FBXO31: variants seen among roughly 807,000 people sequenced by gnomAD.
The protein encoded by FBXO31 is F-box only protein 31.
A neutral mutation model predicts 54.4 loss-of-function variants in FBXO31; 24 were observed. That is an observed-to-expected ratio of 0.44 (90% confidence interval 0.32 to 0.62). FBXO31 has a LOEUF of 0.62. FBXO31 is among the 20% of genes least tolerant of loss of function. The probability of loss-of-function intolerance (pLI) is 0.05; values close to 1 mark genes in which losing one functional copy is unlikely to be tolerated. For missense variants in FBXO31, 665 were observed against 787.1 expected, an observed-to-expected ratio of 0.84 and a Z score of 1.86; for synonymous variants, 388 against 335.6, an observed-to-expected ratio of 1.16 and a Z score of -1.71.
intron 1 of FBXO31, among the ~76,000 whole-genome samples, chr16:87,379,474 C>G (rs1215826566): frequency 3.3e-5 from 5 of 152,130 alleles, no homozygotes; most frequent in African/African-American, 1.2e-4. Flanking sequence ...ATGATGTTCC[C>G]TGAAAGGGGA....
chr16:87,354,624 C>A (rs553422891), intron 2 of FBXO31, among the ~76,000 whole-genome samples: 2 of 151,954 alleles, frequency 1.3e-5, no homozygotes, highest in Non-Finnish European at 2.9e-5. Context: ...CCTCATGCAC[C>A]CAAGGAAAAA....
chr16:87,356,806 T>G (rs1905911720), intron 2 of FBXO31, among the ~76,000 whole-genome samples: 2 of 152,130 alleles, frequency 1.3e-5, no homozygotes, highest in Non-Finnish European at 1.5e-5. Flanking sequence ...CCATGGGCCA[T>G]CGGGGTGGAC....
chr16:87,383,824 C>T, upstream of FBXO31: 1 of 1,032,008 alleles, frequency 9.7e-7, no homozygotes, highest in East Asian at 4.9e-5. The surrounding 1 kb of genome is among the most constrained non-coding windows in gnomAD (Gnocchi z 4.9). Context: ...AGCCACGCCC[C>T]CGCCGCAGAG....
At chr16:87,357,672 C>T (rs984007466) in intron 2 of FBXO31, among the ~76,000 whole-genome samples, 1 of 152,068 alleles carries the variant, frequency 6.6e-6, no homozygotes, top group Admixed American at 6.5e-5. Flanking sequence ...TAGCCAGGCA[C>T]GGTACCTCAT....
chr16:87,336,354 CTTCT>C lies in FBXO31; in HGVS notation c.733-94_733-91del. 1 of 1,192,012 alleles carries C rather than the reference CTTCT, an allele frequency of 8.4e-7. No homozygotes were observed. The highest frequency in any genetic ancestry group is 1.2e-6 in the Non-Finnish European group (1 of 812,948). The allele number at this position is 1,192,012 out of a possible 1,614,324, so 73.8% of individuals were successfully genotyped here. On this transcript the variant is annotated intron_variant, in intron 5 of 8. Transcript: ENST00000311635. The surrounding 1 kb of genome is among the most constrained non-coding windows in gnomAD (Gnocchi z 6.5). ...TGCCGCTGAGAGGACACAGTGTGTC[CTTCT>C]TTGTCAGTGCACAGGCACCTGCAGG...
chr16:87,330,996 GCTTCAA>G lies in FBXO31; in HGVS notation c.*286_*291del, dbSNP rs772871905. 7.2e-5 allele frequency: 24 copies of G among 331,842 alleles called. No homozygotes were observed. Among genetic ancestry groups the G allele is most frequent in the Non-Finnish European group, 1.3e-4 (23 of 175,740 alleles). The allele number at this position is 331,842 out of a possible 1,614,324, so 20.6% of individuals were successfully genotyped here. On this transcript the variant is annotated 3_prime_UTR_variant, in exon 9 of 9. Coordinates refer to ENST00000311635, the MANE Select transcript of FBXO31 (RefSeq NM_024735.5). Reference sequence around the variant, plus strand: ...CAGCCCAGGGTGCGGGAACCCCACCGCTTCAATTCTCACGCGGTCCCACGGCTGTCC... The same window carrying G: ...CAGCCCAGGGTGCGGGAACCCCACCGTTCTCACGCGGTCCCACGGCTGTCC...
In FBXO31 at chr16:87,336,869, G is replaced by A. The variant is rs761698751; in HGVS notation, c.733-605C>T. ...GCATTCTGCCATCACATGGTGCTGA[G>A]GATATTTCGTGCTTAATGGTTTGAT... On this transcript the variant is annotated intron_variant, in intron 5 of 8. Transcript: ENST00000311635. This position sits in a 1 kb window ranked among gnomAD's most constrained non-coding sequence, Gnocchi z 6.5. Among the ~76,000 whole-genome samples, 2 of 152,174 alleles carry A rather than the reference G, an allele frequency of 1.3e-5. No individual in the cohort carries two copies. The highest frequency in any genetic ancestry group is 6.5e-5 in the Admixed American group (1 of 15,282).
upstream of FBXO31, chr16:87,391,834 C>T (rs1326445391): frequency 2.6e-5 from 4 of 152,362 alleles, no homozygotes; most frequent in Non-Finnish European, 4.4e-5. Context: ...CCGGAGACGG[C>T]GCGGCCTGCC....
At chr16:87,344,670 C>T (rs1212038676) in intron 3 of FBXO31, among the ~76,000 whole-genome samples, 1 of 152,026 alleles carries the variant, frequency 6.6e-6, no homozygotes, top group African/African-American at 2.4e-5. Flanking sequence ...TACTCACTGC[C>T]AGTAAGTAAA....
At chr16:87,380,476 A>G (rs939661276) in intron 1 of FBXO31, among the ~76,000 whole-genome samples, 3 of 151,938 alleles carry the variant, frequency 2.0e-5, no homozygotes, top group South Asian at 2.1e-4. Context: ...TTCACAGCTC[A>G]CTGCAGCCTC....
chr16:87,357,008 G>C (rs1230580285), intron 2 of FBXO31, among the ~76,000 whole-genome samples: 1 of 152,128 alleles, frequency 6.6e-6, no homozygotes, highest in Non-Finnish European at 1.5e-5. Flanking sequence ...CACTTTGAGA[G>C]GCCAAGGTGG....
At chr16:87,362,963 C>T (rs947675555) in intron 1 of FBXO31, among the ~76,000 whole-genome samples, 51 of 152,358 alleles carry the variant, frequency 3.3e-4, no homozygotes, top group Non-Finnish European at 7.1e-4. Flanking sequence ...TTTGTCCTCC[C>T]TTCAGTCAGG....
upstream of FBXO31, among the ~76,000 whole-genome samples, chr16:87,387,501 C>G (rs1907363745): frequency 6.6e-6 from 1 of 152,138 alleles, no homozygotes; most frequent in African/African-American, 2.4e-5. Flanking sequence ...AGTAGTATTT[C>G]TTGGACTGAG....
intron 1 of FBXO31, among the ~76,000 whole-genome samples, chr16:87,363,384 C>CA (rs1456609471): frequency 2.0e-5 from 3 of 151,500 alleles, no homozygotes; most frequent in South Asian, 2.1e-4. Flanking sequence ...GACTCTGCCT[C>CA]AAAAAAAATA....
intron 1 of FBXO31, among the ~76,000 whole-genome samples, chr16:87,375,797 G>A (rs1408084668): frequency 6.6e-6 from 1 of 152,080 alleles, no homozygotes; most frequent in Non-Finnish European, 1.5e-5. Context: ...TTTGTGATCT[G>A]CCTGCCCCAA....
In FBXO31 at chr16:87,334,263, C is replaced by T. The variant is rs1904971740; in HGVS notation, c.1020G>A (p.Gly340=). The T allele has an allele frequency of 6.3e-7, 1 of 1,592,466 alleles. No homozygotes were observed. Among genetic ancestry groups the T allele is most frequent in the Non-Finnish European group, 8.6e-7 (1 of 1,167,674 alleles). ...TCAGGTCGATCTCCACTGTCTGCTG[C>T]CCAGCGGGGATGTTGGGGTCGCCCT... ...KITGDPNIPA[G]QQTVEIDLRH... Residue 340 remains glycine (G), a synonymous_variant, in exon 8 of 9, where the codon GGG becomes GGA. Coordinates refer to ENST00000311635, the MANE Select transcript of FBXO31 (RefSeq NM_024735.5).
At chr16:87,383,779 G>T, upstream of FBXO31, 1 of 1,173,998 alleles carries the variant, frequency 8.5e-7, no homozygotes, top group Non-Finnish European at 1.1e-6. The surrounding 1 kb of genome is among the most constrained non-coding windows in gnomAD (Gnocchi z 4.9). Flanking sequence ...CCGCCTGTGC[G>T]CACGCTCCAG....
At chr16:87,339,939 A>T (rs1255663016) in intron 5 of FBXO31, among the ~76,000 whole-genome samples, 1 of 152,236 alleles carries the variant, frequency 6.6e-6, no homozygotes, top group Non-Finnish European at 1.5e-5. Context: ...TGGGCAACAC[A>T]GTGAGACCCT....
chr16:87,385,234 A>G (rs1445850969), upstream of FBXO31, among the ~76,000 whole-genome samples: 1 of 152,178 alleles, frequency 6.6e-6, no homozygotes. Context: ...CGAGGCGGGC[A>G]GATCATGAGG....
Sources: allele counts gnomAD v4.1 joint callset (sites outside exome capture counted in the v4.1 genomes callset), GRCh38; gene constraint gnomAD v4.1.1; non-coding constraint Gnocchi (gnomAD v3.1); transcripts MANE v1.5; gene names NCBI Gene and HGNC (gene_info 2026-07-23, HGNC 2026-07-21).